The following ZNF678 variants were observed in gnomAD, a reference collection of about 807,000 sequenced individuals.
ZNF678 encodes the protein hypothetical protein MGC42493.
Under a neutral mutation model 3.0 loss-of-function variants are expected in ZNF678, and 5 were observed. The observed-to-expected ratio is 1.69, with a 90% CI of 0.88 to 3.56. ZNF678 has a LOEUF of 3.56. Ranked by LOEUF, ZNF678 falls within the 30% of genes most tolerant of loss-of-function variation. The probability of loss-of-function intolerance (pLI) is 0.00; values close to 1 mark genes in which losing one functional copy is unlikely to be tolerated. For missense variants in ZNF678, 593 were observed against 605.0 expected (o/e 0.98, Z 0.21); for synonymous variants, 218 against 199.6 (o/e 1.09, Z -0.78).
chr1:227,664,423 A>G (rs146840714), downstream of ZNF678, among the ~76,000 whole-genome samples: 190 of 152,104 alleles, frequency 1.2e-3, no homozygotes, highest in African/African-American at 4.1e-3. Flanking sequence ...TTTCCCCAAC[A>G]CACGGTGTCA....
intron 5 of ZNF678, among the ~76,000 whole-genome samples, chr1:227,671,629 C>G (rs1045663159): frequency 2.0e-5 from 3 of 152,164 alleles, no homozygotes; most frequent in Admixed American, 2.0e-4. Context: ...TATTCTTTCT[C>G]AGGGTTACCA....
intron 3 of ZNF678, 87 bp from the exon 4 acceptor site, chr1:227,654,249 T>C: frequency 9.5e-7 from 1 of 1,053,820 alleles, no homozygotes; most frequent in Non-Finnish European, 1.3e-6. Flanking sequence ...TGTTAATGTC[T>C]CTGATATAAT....
intron 1 of ZNF678, among the ~76,000 whole-genome samples, chr1:227,626,794 T>C (rs906039722): frequency 1.3e-5 from 2 of 151,998 alleles, no homozygotes; most frequent in Non-Finnish European, 2.9e-5. Context: ...GTAAGTGATA[T>C]TGTATGTCTA....
At chr1:227,568,352 T>C (rs1337410430) in intron 1 of ZNF678, among the ~76,000 whole-genome samples, 1 of 151,994 alleles carries the variant, frequency 6.6e-6, no homozygotes, top group Non-Finnish European at 1.5e-5. Context: ...TTCAGGTGAT[T>C]GTTTATGAGA....
intron 5 of ZNF678, among the ~76,000 whole-genome samples, chr1:227,672,202 G>C (rs550201197): frequency 6.6e-6 from 1 of 152,264 alleles, no homozygotes; most frequent in East Asian, 1.9e-4. Flanking sequence ...TTTTAGAACA[G>C]AGCAATGACA....
intron 1 of ZNF678, among the ~76,000 whole-genome samples, chr1:227,604,582 A>T (rs942856327): frequency 6.6e-6 from 1 of 151,892 alleles, no homozygotes. Flanking sequence ...TAGAGATGGG[A>T]TTTCACCATG....
At chr1:227,590,113 G>A (rs1657373067) in intron 1 of ZNF678, among the ~76,000 whole-genome samples, 1 of 151,712 alleles carries the variant, frequency 6.6e-6, no homozygotes, top group Non-Finnish European at 1.5e-5. Flanking sequence ...CAGTAAGCAG[G>A]TTCCTATTAC....
intron 5 of ZNF678, among the ~76,000 whole-genome samples, chr1:227,672,835 C>T (rs776157529): frequency 6.6e-6 from 1 of 152,166 alleles, no homozygotes; most frequent in Non-Finnish European, 1.5e-5. Context: ...GGGACAAAAA[C>T]CCCTGCCCAA....
chr1:227,649,084 A>G (rs533557600), intron 2 of ZNF678, among the ~76,000 whole-genome samples: 1 of 150,758 alleles, frequency 6.6e-6, no homozygotes, highest in African/African-American at 2.4e-5. Context: ...GTGTATGTAA[A>G]CCATATTTAT....
At position 227,657,389 on chromosome 1, in the gene ZNF678, A is replaced by C. The variant is rs1232383773; in HGVS notation, c.*1561A>C. On this transcript the variant is annotated 3_prime_UTR_variant, in exon 4 of 4. Transcript: ENST00000343776. ...TTTTCTGTATTAATTTGCCAGTGTT[A>C]AGTATTCCCTTCTAGCAGCACAAAA... The C allele has an allele frequency of 6.6e-6, 1 of 151,942 alleles. No homozygotes were observed. The highest frequency in any genetic ancestry group is 2.4e-5 in the African/African-American group (1 of 41,404). 9.4% of individuals were successfully genotyped at this position (151,942 alleles called of 1,614,324 possible).
At position 227,655,320 on chromosome 1, in the gene ZNF678, C is replaced by A. The variant is rs750868865; in HGVS notation, c.1070C>A (p.Thr357Asn). 6.2e-7 allele frequency: 1 copy of A among 1,610,696 alleles called. No homozygotes were observed. Among genetic ancestry groups the A allele is most frequent in the Non-Finnish European group, 8.5e-7 (1 of 1,178,088 alleles). The change falls in exon 4 of 4, where the codon ACC (threonine) becomes AAC (asparagine). Residue 357 changes from threonine to asparagine, a missense_variant. Coordinates refer to ENST00000343776, the MANE Select transcript of ZNF678 (RefSeq NM_001367909.1). ...TACAAATGTGAAGAATGTGGCAGAA[C>A]CTTTACTCAATTCTCAAACCTCACT... ...KPYKCEECGR[T>N]FTQFSNLTQH...
intron 1 of ZNF678, among the ~76,000 whole-genome samples, chr1:227,618,710 T>TTTTTTGTTTTTGTTG (rs1204210306): frequency 6.6e-6 from 1 of 152,038 alleles, no homozygotes; most frequent in Non-Finnish European, 1.5e-5. Flanking sequence ...GAAAGGGTGG[T>TTTTTTGTTTTTGTTG]TTTTTGTTTT....
intron 1 of ZNF678, among the ~76,000 whole-genome samples, chr1:227,641,525 T>C (rs1658820842): frequency 6.6e-6 from 1 of 152,238 alleles, no homozygotes; most frequent in Non-Finnish European, 1.5e-5. Context: ...TGGAGAGTTT[T>C]TCTGGAGTTG....
At chr1:227,648,916 G>A (rs1659023576) in intron 2 of ZNF678, among the ~76,000 whole-genome samples, 1 of 152,140 alleles carries the variant, frequency 6.6e-6, no homozygotes, top group African/African-American at 2.4e-5. Flanking sequence ...CTCTGCTTCT[G>A]TGAGTTTCAC....
rs368349680 is a variant in ZNF678 at position 227,603,242 on chromosome 1, G to A, written c.-164+39518G>A. The stretch of plus-strand genomic sequence containing the variant: ...ACGTCATGATGGGCATGGGGCGGGG[G>A]GAATGTTGCATTGTTTTCAGAGGAA... On this transcript the variant is annotated intron_variant, in intron 1 of 3. Coordinates refer to ENST00000343776, the MANE Select transcript of ZNF678 (RefSeq NM_001367909.1). Among the ~76,000 whole-genome samples, 30 of 152,246 alleles carry A rather than the reference G, an allele frequency of 2.0e-4. No homozygotes were observed. The East Asian group carries it at 3.5e-3, about 18-fold the overall frequency.
At chr1:227,667,113 G>C (rs1659515833), downstream of ZNF678, among the ~76,000 whole-genome samples, 1 of 151,194 alleles carries the variant, frequency 6.6e-6, no homozygotes. Context: ...GAGTGATTTT[G>C]GCTCACTGCA....
At chr1:227,594,587 CT>C (rs1193788559) in intron 1 of ZNF678, among the ~76,000 whole-genome samples, 1 of 152,066 alleles carries the variant, frequency 6.6e-6, no homozygotes, top group Non-Finnish European at 1.5e-5. Context: ...TATTTTTAAC[CT>C]TTTGATGTAG....
intron 1 of ZNF678, among the ~76,000 whole-genome samples, chr1:227,605,483 G>A (rs1449579694): frequency 1.3e-5 from 2 of 152,148 alleles, no homozygotes; most frequent in Non-Finnish European, 2.9e-5. Flanking sequence ...AATAGATGTG[G>A]CAAAAGTGAA....
At chr1:227,585,440 T>C (rs1558132942) in intron 1 of ZNF678, among the ~76,000 whole-genome samples, 1 of 152,146 alleles carries the variant, frequency 6.6e-6, no homozygotes, top group Non-Finnish European at 1.5e-5. Context: ...ACTGAGAAAG[T>C]ATACATTAAA....
Sources: gnomAD v4.1 joint callset for allele counts (sites outside exome capture counted in the v4.1 genomes callset) on GRCh38, gnomAD v4.1.1 for gene constraint, MANE v1.5 for transcripts, NCBI Gene and HGNC (gene_info 2026-07-23, HGNC 2026-07-21) for gene names.